UGT1A10: variants seen among roughly 807,000 people sequenced by gnomAD.
The protein encoded by UGT1A10 is UDP-glucuronosyltransferase 1A10.
In UGT1A10, 49 loss-of-function variants were observed where a neutral mutation model predicts 45.8. The ratio of observed to expected loss-of-function variants is 1.07; its 90% confidence interval spans 0.85 to 1.36. The LOEUF (loss-of-function observed/expected upper bound fraction) is 1.36, where lower values mean the gene tolerates loss of function less well. UGT1A10 is among the 40% of genes most tolerant of loss of function. UGT1A10 has a pLI of 0.00. For synonymous variants in UGT1A10, 284 were observed against 249.7 expected (o/e 1.14, Z -1.29); for missense variants, 745 against 668.6 (o/e 1.11, Z -1.26).
At chr2:233,693,578 A>T (rs754174364) in intron 1 of UGT1A10, 1 of 1,614,192 alleles carries the variant, frequency 6.2e-7, no homozygotes, top group Non-Finnish European at 8.5e-7. Flanking sequence ...TGTGTCCTAC[A>T]TTCCCAGGTG....
chr2:233,726,396 T>C (rs1359821142), intron 1 of UGT1A10, among the ~76,000 whole-genome samples: 1 of 152,226 alleles, frequency 6.6e-6, no homozygotes, highest in Admixed American at 6.5e-5. Context: ...TCTCATAGTC[T>C]TTTGATGTCA....
chr2:233,737,385 T>G (rs1256116347), intron 1 of UGT1A10, among the ~76,000 whole-genome samples: 3 of 152,226 alleles, frequency 2.0e-5, no homozygotes, highest in Non-Finnish European at 4.4e-5. Flanking sequence ...AGAATCTCCT[T>G]GTCTGCCAGT....
At chr2:233,748,150 A>T (rs1362576918) in intron 1 of UGT1A10, 1 of 1,604,682 alleles carries the variant, frequency 6.2e-7, no homozygotes, top group East Asian at 2.2e-5. Context: ...TTTACTTACA[A>T]TTGCTTCCAT....
At chr2:233,744,448 G>C (rs1692820883) in intron 1 of UGT1A10, among the ~76,000 whole-genome samples, 1 of 151,846 alleles carries the variant, frequency 6.6e-6, no homozygotes, top group African/African-American at 2.4e-5. Context: ...TACTGCATTA[G>C]AGATTAAAAC....
At position 233,769,083 on chromosome 2, in the gene UGT1A10, A is replaced by G. The variant is rs1376592971; in HGVS notation, c.1295+644A>G. On this transcript the variant is annotated intron_variant, in intron 4 of 4. Coordinates refer to ENST00000344644, the MANE Select transcript of UGT1A10 (RefSeq NM_019075.4). This position sits in a 1 kb window ranked among gnomAD's most constrained non-coding sequence, Gnocchi z 4.4. The stretch of plus-strand genomic sequence containing the variant: ...ACAGAAAGAAATACTCCATTATAAG[A>G]AGCATAGTATCTTTAAGAGAAAAAC... 1.3e-5 allele frequency among the ~76,000 whole-genome samples: 2 copies of G among 152,224 alleles called. No homozygotes were observed. Among genetic ancestry groups the G allele is most frequent in the Non-Finnish European group, 2.9e-5 (2 of 68,046 alleles).
At chr2:233,660,532 G>A (rs1020358722) in intron 1 of UGT1A10, among the ~76,000 whole-genome samples, 3 of 152,162 alleles carry the variant, frequency 2.0e-5, no homozygotes, top group African/African-American at 7.2e-5. Context: ...TGTTTCTGTT[G>A]TACTGGCCTT....
chr2:233,735,046 T>C (rs895113176), intron 1 of UGT1A10, among the ~76,000 whole-genome samples: 2 of 152,242 alleles, frequency 1.3e-5, no homozygotes, highest in African/African-American at 4.8e-5. Flanking sequence ...GGTGCAGAGC[T>C]GAGTTCAGGT....
intron 1 of UGT1A10, chr2:233,729,673 A>C: frequency 3.1e-6 from 5 of 1,613,898 alleles, no homozygotes; most frequent in Non-Finnish European, 4.2e-6. Context: ...TTTAGACTTT[A>C]AGGGCACACA....
At chr2:233,671,991 C>T (rs2074205692) in intron 1 of UGT1A10, 4 of 1,613,968 alleles carry the variant, frequency 2.5e-6, no homozygotes, top group Non-Finnish European at 3.4e-6. Context: ...TGCTGCTGAC[C>T]TGTGGCTTTG....
intron 1 of UGT1A10, chr2:233,682,738 C>A: frequency 6.2e-7 from 1 of 1,613,880 alleles, no homozygotes; most frequent in Non-Finnish European, 8.5e-7. Flanking sequence ...CCGTGATGCC[C>A]AATATGATCT....
intron 1 of UGT1A10, among the ~76,000 whole-genome samples, chr2:233,650,059 C>T (rs1302158746): frequency 6.6e-6 from 1 of 152,168 alleles, no homozygotes; most frequent in Non-Finnish European, 1.5e-5. Flanking sequence ...CAACCTCTGC[C>T]TCCTGGGTTC....
intron 1 of UGT1A10, among the ~76,000 whole-genome samples, chr2:233,684,871 T>C (rs1457596293): frequency 6.6e-6 from 1 of 152,308 alleles, no homozygotes; most frequent in African/African-American, 2.4e-5. Flanking sequence ...TTGTTTCATA[T>C]GGGCAGGGTG....
intron 1 of UGT1A10, chr2:233,719,816 T>A: frequency 6.3e-7 from 1 of 1,580,710 alleles, no homozygotes; most frequent in Non-Finnish European, 8.6e-7. Context: ...TTATAACAGA[T>A]AAACTGTTGA....
Position 233,636,811 on chromosome 2 carries a change from C to T in UGT1A10, c.289C>T (p.Gln97Ter), listed in dbSNP as rs1354408501. 3 of 1,614,210 alleles carry T rather than the reference C, an allele frequency of 1.9e-6. No homozygotes were observed. The highest frequency in any genetic ancestry group is 1.6e-4 in the Middle Eastern group (1 of 6,062). Residue 97 changes from glutamine (Q) to a stop codon, truncating the protein, a stop_gained, in exon 1 of 5, where the codon CAA becomes TAA. Coordinates refer to ENST00000344644, the MANE Select transcript of UGT1A10 (RefSeq NM_019075.4). LOFTEE classifies it high-confidence loss of function. ...NREFMVFAHA[Q>*]WKAQAQSIFS... The stretch of plus-strand genomic sequence containing the variant: ...GGAATTCATGGTTTTCGCCCATGCT[C>T]AATGGAAAGCACAGGCACAAAGTAT...
chr2:233,713,226 A>T, intron 1 of UGT1A10: 1 of 1,614,204 alleles, frequency 6.2e-7, no homozygotes, highest in South Asian at 1.1e-5. Flanking sequence ...CACCCTGACA[A>T]CGTATGCCAT....
chr2:233,642,398 C>T (rs2073475487), intron 1 of UGT1A10, among the ~76,000 whole-genome samples: 1 of 152,196 alleles, frequency 6.6e-6, no homozygotes, highest in South Asian at 2.1e-4. Context: ...AATTTATATG[C>T]TGGAATTCTG....
chr2:233,695,308 T>C (rs1203314854), intron 1 of UGT1A10, among the ~76,000 whole-genome samples: 1 of 151,942 alleles, frequency 6.6e-6, no homozygotes, highest in Non-Finnish European at 1.5e-5. Context: ...GCATTTTTAG[T>C]AGAGGCGGGG....
Position 233,662,817 on chromosome 2 carries a change from G to GTT in UGT1A10, c.855+25454_855+25455dup, listed in dbSNP as rs34052709. Among the ~76,000 whole-genome samples the GTT allele has an allele frequency of 9.6e-4, 134 of 139,362 alleles. No homozygotes were observed. The East Asian group carries it at 0.012, about 12-fold the overall frequency. 91.4% of individuals were successfully genotyped at this position (139,362 alleles called of 152,430 possible). Reference sequence around the variant, plus strand: ...CTCTTCTTTTCCTAGTTTGCTGAGAGTTTTTTTTTTTTTTTGTCAGATATG... The same window carrying GTT: ...CTCTTCTTTTCCTAGTTTGCTGAGAGTTTTTTTTTTTTTTTTTGTCAGATATG... On this transcript the variant is annotated intron_variant, in intron 1 of 4. Transcript: ENST00000344644.
chr2:233,690,453 T>C lies in UGT1A10; in HGVS notation c.855+53076T>C, dbSNP rs2074990875. ...CTTTGGGTCTCTCCTCTATTCAAAA[T>C]GCCAGCTATCCTCCATTTACTTTTT... On this transcript the variant is annotated intron_variant, in intron 1 of 4. Transcript: ENST00000344644. 3.1e-6 allele frequency: 4 copies of C among 1,287,960 alleles called. No homozygotes were observed. The South Asian group carries it at 5.0e-5, about 16-fold the overall frequency. 79.8% of individuals were successfully genotyped at this position (1,287,960 alleles called of 1,614,324 possible).
Sources: gnomAD v4.1 joint callset for allele counts (sites outside exome capture counted in the v4.1 genomes callset) on GRCh38, gnomAD v4.1.1 for gene constraint, Gnocchi (gnomAD v3.1) non-coding constraint, MANE v1.5 for transcripts, NCBI Gene and HGNC (gene_info 2026-07-23, HGNC 2026-07-21) for gene names.